VPS13A: variants seen among roughly 807,000 people sequenced by gnomAD.
VPS13A encodes the protein intermembrane lipid transfer protein VPS13A.
Under a neutral mutation model 390.9 loss-of-function variants are expected in VPS13A, and 264 were observed. The ratio of observed to expected loss-of-function variants is 0.68; its 90% CI spans 0.61 to 0.75. VPS13A has a LOEUF of 0.75. Ranked by LOEUF, VPS13A falls within the 30% of genes least tolerant of loss-of-function variation. VPS13A has a pLI of 0.00. For missense variants in VPS13A, 3,409 were observed against 3,733.9 expected, an observed-to-expected ratio of 0.91 and a Z score of 2.27; for synonymous variants, 1,231 against 1,227.1, an observed-to-expected ratio of 1.00 and a Z score of -0.07.
rs1835270051 is a variant in VPS13A at position 77,419,238 on chromosome 9, C to A, written c.*3232C>A. ...CTAACTCATTAGTGGGTCATGAAAT[C>A]AACTTAACAGCTCAAGACCAGTATA... is the stretch of plus-strand genomic sequence containing the variant. On this transcript the variant is annotated 3_prime_UTR_variant, in exon 72 of 72. Transcript: ENST00000360280. 1 of 152,078 alleles carries A rather than the reference C, an allele frequency of 6.6e-6. No individual in the cohort carries two copies. Among genetic ancestry groups the A allele is most frequent in the African/African-American group, 2.4e-5 (1 of 41,410 alleles). 9.4% of individuals were successfully genotyped at this position (152,078 alleles called of 1,614,324 possible).
intron 59 of VPS13A, 42 bp from the exon 60 acceptor site, chr9:77,365,417 AG>A (rs1420558171): frequency 8.1e-5 from 102 of 1,261,690 alleles, no homozygotes; most frequent in Non-Finnish European, 1.1e-4. Flanking sequence ...TATCTCATGC[AG>A]GTAGGTCCCT....
intron 46 of VPS13A, among the ~76,000 whole-genome samples, chr9:77,337,005 G>T (rs894105099): frequency 1.3e-5 from 2 of 151,690 alleles, no homozygotes; most frequent in Non-Finnish European, 2.9e-5. Context: ...CACCGTCTTA[G>T]CCAGGATGGT....
At chr9:77,282,364 A>T (rs1827085254) in intron 29 of VPS13A, 90 bp downstream of exon 29, 3 of 1,208,592 alleles carry the variant, frequency 2.5e-6, no homozygotes, top group Non-Finnish European at 3.5e-6. Context: ...ATTAACTTCA[A>T]ATATTGGCTT....
At chr9:77,354,099 T>A (rs1426467448) in intron 54 of VPS13A, among the ~76,000 whole-genome samples, 2 of 152,100 alleles carry the variant, frequency 1.3e-5, no homozygotes, top group Non-Finnish European at 2.9e-5. Flanking sequence ...GACATCACCA[T>A]TAAATCTTTT....
chr9:77,382,441 T>C, intron 68 of VPS13A: 1 of 1,396,674 alleles, frequency 7.2e-7, no homozygotes, highest in South Asian at 1.8e-5. Context: ...TTTTAATGAA[T>C]CTGGTTTTTT....
At chr9:77,307,544 T>A (rs201412830) in intron 34 of VPS13A, among the ~76,000 whole-genome samples, 1 of 152,204 alleles carries the variant, frequency 6.6e-6, no homozygotes, top group East Asian at 1.9e-4. Flanking sequence ...GTAAAACACA[T>A]TGTGAACTCT....
At chr9:77,330,628 T>G (rs1054139910) in intron 45 of VPS13A, among the ~76,000 whole-genome samples, 1 of 152,210 alleles carries the variant, frequency 6.6e-6, no homozygotes, top group African/African-American at 2.4e-5. Context: ...TCAGAAAATA[T>G]GTTGGAAAAC....
chr9:77,335,041 A>C (rs904508916), intron 46 of VPS13A, among the ~76,000 whole-genome samples: 4 of 152,196 alleles, frequency 2.6e-5, no homozygotes, highest in Non-Finnish European at 5.9e-5. Context: ...ACAGAAATAC[A>C]TCATAGATAT....
In VPS13A at chr9:77,382,053, G is replaced by A. The variant is rs1331933543; in HGVS notation, c.9155G>A (p.Arg3052Lys). Residue 3052 changes from arginine (R) to lysine (K), a missense_variant, in exon 68 of 72, where the codon AGG (arginine) becomes AAG (lysine). Coordinates refer to ENST00000360280, the MANE Select transcript of VPS13A (RefSeq NM_033305.3). Reference protein sequence around the residue: ...FNEDGVIRPYRLRDGTGNQML... With the variant: ...FNEDGVIRPYKLRDGTGNQML... ...GAAGATGGAGTTATCAGACCGTACAGGTTGAGGGATGGGACTGGAAATCAA... is the reference window on the plus strand; with the variant it reads ...GAAGATGGAGTTATCAGACCGTACAAGTTGAGGGATGGGACTGGAAATCAA... 6.2e-7 allele frequency: 1 copy of A among 1,608,392 alleles called. No homozygotes were observed. The highest frequency in any genetic ancestry group is 8.5e-7 in the Non-Finnish European group (1 of 1,177,032).
intron 59 of VPS13A, among the ~76,000 whole-genome samples, chr9:77,362,105 T>C (rs1010222208): frequency 1.4e-4 from 21 of 152,296 alleles, no homozygotes; most frequent in African/African-American, 4.8e-4. Flanking sequence ...TCTCTCATTC[T>C]GTGTGTTGCT....
intron 1 of VPS13A, among the ~76,000 whole-genome samples, chr9:77,196,791 C>A (rs1361492079): frequency 6.6e-6 from 1 of 151,898 alleles, no homozygotes; most frequent in Non-Finnish European, 1.5e-5. Context: ...GTGAAAAGTG[C>A]TGCAATAAAC....
chr9:77,274,426 C>CAAAA (rs889400152), intron 24 of VPS13A, among the ~76,000 whole-genome samples: 9 of 62,202 alleles, frequency 1.4e-4, no homozygotes, highest in Non-Finnish European at 2.5e-4. Context: ...GAGTCCGAAT[C>CAAAA]AAAAAAAAAA....
In VPS13A at chr9:77,297,470, A is replaced by G. The variant is rs543101290; in HGVS notation, c.3812+1624A>G. Among the ~76,000 whole-genome samples, 6 of 152,072 alleles carry G rather than the reference A, an allele frequency of 3.9e-5. No individual in the cohort carries two copies. The East Asian group carries it at 9.7e-4, about 24-fold the overall frequency. ...GGTAAAACAATAGTAAACTGGGACA[A>G]TCGTAGGGCTCACCTCATTTTTTTT... On this transcript the variant is annotated intron_variant, in intron 33 of 71. Coordinates refer to ENST00000360280, the MANE Select transcript of VPS13A (RefSeq NM_033305.3).
intron 68 of VPS13A, among the ~76,000 whole-genome samples, chr9:77,397,874 T>TGA (rs1038599214): frequency 2.0e-5 from 3 of 152,152 alleles, no homozygotes; most frequent in African/African-American, 7.2e-5. Context: ...GATAGGTAAT[T>TGA]TATATATATA....
chr9:77,337,357 A>G lies in VPS13A; in HGVS notation c.6198A>G (p.Lys2066=), dbSNP rs370496254. The part of the protein sequence containing the change: ...IKNDGALLKK[K]CRSKNPSKES... Reference sequence around the variant, plus strand: ...ATGATGGTGCTCTTCTAAAGAAGAAATGTAGATCTAAAAACCCTTCTAAGG... The same window carrying G: ...ATGATGGTGCTCTTCTAAAGAAGAAGTGTAGATCTAAAAACCCTTCTAAGG... The change falls in exon 47 of 72, where the codon AAA becomes AAG. Residue 2066 remains lysine, a synonymous_variant. Transcript: ENST00000360280. 3 of 1,612,660 alleles carry G rather than the reference A, an allele frequency of 1.9e-6. No individual in the cohort carries two copies. The highest frequency in any genetic ancestry group is 2.2e-5 in the East Asian group (1 of 44,736).
intron 17 of VPS13A, among the ~76,000 whole-genome samples, chr9:77,231,071 A>G (rs1025803106): frequency 3.3e-5 from 5 of 152,174 alleles, no homozygotes; most frequent in Non-Finnish European, 5.9e-5. Context: ...AGTTTTGTAT[A>G]CTGCACTTGT....
intron 68 of VPS13A, chr9:77,385,267 A>C: frequency 1.5e-4 from 96 of 623,582 alleles, no homozygotes; most frequent in Non-Finnish European, 1.7e-4. Context: ...ATGGCCTCTC[A>C]TGGAAGAGTA....
At chr9:77,196,011 A>T (rs1172681695) in intron 1 of VPS13A, among the ~76,000 whole-genome samples, 1 of 151,462 alleles carries the variant, frequency 6.6e-6, no homozygotes, top group African/African-American at 2.4e-5. Flanking sequence ...TTTTATTTTC[A>T]TCTCGATATT....
At chr9:77,268,852 A>G (rs1375966368) in intron 23 of VPS13A, among the ~76,000 whole-genome samples, 1 of 151,876 alleles carries the variant, frequency 6.6e-6, no homozygotes, top group African/African-American at 2.4e-5. Context: ...AGGTAGGAGA[A>G]TCACTTGAAC....
Sources: gnomAD v4.1 joint callset for allele counts (sites outside exome capture counted in the v4.1 genomes callset) on GRCh38, gnomAD v4.1.1 for gene constraint, MANE v1.5 for transcripts, NCBI Gene and HGNC (gene_info 2026-07-23, HGNC 2026-07-21) for gene names.